THAP7: variants seen among roughly 807,000 people sequenced by gnomAD.
THAP7 encodes THAP domain-containing protein 7.
In THAP7, 22 loss-of-function variants were observed where a neutral mutation model predicts 29.2. That is an observed-to-expected ratio of 0.75 (90% confidence interval 0.54 to 1.08). THAP7 has a LOEUF of 1.08. THAP7 is among the 50% of genes least tolerant of loss of function. THAP7 has a pLI of 0.00. For synonymous variants in THAP7, 208 were observed against 173.4 expected (o/e 1.20, Z -1.57); for missense variants, 448 against 416.2 (o/e 1.08, Z -0.66).
At chr22:21,001,561 G>T in intron 1 of THAP7, 150 bp from the exon 2 acceptor site, 1 of 1,254,194 alleles carries the variant, frequency 8.0e-7, no homozygotes, top group Non-Finnish European at 1.1e-6. Context: ...CCCGGGCACA[G>T]ACGAGGCAAC....
At position 21,000,435 on chromosome 22, in the gene THAP7, G is replaced by A; in HGVS notation, c.378-3C>T. The stretch of plus-strand genomic sequence containing the variant: ...TGGGCCCTCGGCCCTCGGAGCAGCT[G>A]GTAAGGGGGAAGAGAGAGACTGATG... On this transcript the variant is annotated splice_polypyrimidine_tract_variant and splice_region_variant and intron_variant, in intron 3 of 3. Transcript: ENST00000215742. The A allele has an allele frequency of 2.6e-6, 4 of 1,549,226 alleles. No homozygotes were observed. The highest frequency in any genetic ancestry group is 3.5e-6 in the Non-Finnish European group (4 of 1,148,632).
intron 1 of THAP7, 34 bp downstream of exon 1, chr22:21,001,798 T>TGCGCACGTGAGCCCGCG (rs772628148): frequency 1.9e-4 from 296 of 1,537,654 alleles, no homozygotes; most frequent in Non-Finnish European, 1.9e-4. Flanking sequence ...AACTAGCGCA[T>TGCGCACGTGAGCCCGCG]GCGCACGTGA....
At position 20,999,840 on chromosome 22, in the gene THAP7, C is replaced by A. The variant is rs776553577; in HGVS notation, c.*40G>T. 1 of 1,561,744 alleles carries A rather than the reference C, an allele frequency of 6.4e-7. No individual in the cohort carries two copies. Among genetic ancestry groups the A allele is most frequent in the East Asian group, 2.3e-5 (1 of 44,430 alleles). On this transcript the variant is annotated 3_prime_UTR_variant, in exon 4 of 4. Transcript: ENST00000215742. ...TGGGATCTGAGGGAGGAAGAGGCTG[C>A]AGTCTTGCTGGGCAGCCCCTCGGTC...
In THAP7 at chr22:20,999,794, T is replaced by C. The variant is rs575098995; in HGVS notation, c.*86A>G. On this transcript the variant is annotated 3_prime_UTR_variant, in exon 4 of 4. Coordinates refer to ENST00000215742, the MANE Select transcript of THAP7 (RefSeq NM_030573.3). ...GCCCTCCGTCTAGAATCCGCTTTAT[T>C]ATGGCACCTGGTGGGTCTGGTGGGA... 2.0e-6 allele frequency: 3 copies of C among 1,470,082 alleles called. No individual in the cohort carries two copies. Among genetic ancestry groups the C allele is most frequent in the Admixed American group, 2.2e-5 (1 of 46,360 alleles). The allele number at this position is 1,470,082 out of a possible 1,614,324, so 91.1% of individuals were successfully genotyped here.
intron 1 of THAP7, 83 bp downstream of exon 1, chr22:21,001,749 C>T (rs1359893758): frequency 5.7e-6 from 8 of 1,395,680 alleles, no homozygotes; most frequent in Non-Finnish European, 5.8e-6. Context: ...CTGAGAAAGG[C>T]GCGAAGCCTC....
At position 21,002,090 on chromosome 22, in the gene THAP7, T is replaced by C. The variant is rs941293570; in HGVS notation, c.-179A>G. 7 of 597,358 alleles carry C rather than the reference T, an allele frequency of 1.2e-5. No individual in the cohort carries two copies. The highest frequency in any genetic ancestry group is 5.2e-4 in the Middle Eastern group (2 of 3,876). The allele number at this position is 597,358 out of a possible 1,614,324, so 37.0% of individuals were successfully genotyped here. ...ACTTCTGTCAGCGGCACTCACGCTCTGGCCATTGCTGCGCCGCCGAAGTCT... is the reference window on the plus strand; with the variant it reads ...ACTTCTGTCAGCGGCACTCACGCTCCGGCCATTGCTGCGCCGCCGAAGTCT... On this transcript the variant is annotated 5_prime_UTR_variant, in exon 1 of 4. Transcript: ENST00000215742.
At chr22:21,001,775 C>G in intron 1 of THAP7, 57 bp downstream of exon 1, 3 of 1,513,056 alleles carry the variant, frequency 2.0e-6, no homozygotes, top group South Asian at 1.2e-5. Flanking sequence ...AGTTGCGACC[C>G]GAGGCGAGCA....
rs1276863838 is a variant in THAP7 at position 21,002,066 on chromosome 22, C to T, written c.-155G>A. On this transcript the variant is annotated 5_prime_UTR_variant, in exon 1 of 4. Transcript: ENST00000215742. ...ACCCCGTCCCAGCCGATTCTCTTGA[C>T]TTCTGTCAGCGGCACTCACGCTCTG... 18 of 670,904 alleles carry T rather than the reference C, an allele frequency of 2.7e-5. No individual in the cohort carries two copies. Among genetic ancestry groups the T allele is most frequent in the Non-Finnish European group, 3.8e-5 (16 of 418,474 alleles). The allele number at this position is 670,904 out of a possible 1,614,324, so 41.6% of individuals were successfully genotyped here.
At chr22:21,000,857 A>G in intron 2 of THAP7, 70 bp from the exon 3 acceptor site, 1 of 1,600,808 alleles carries the variant, frequency 6.2e-7, no homozygotes, top group African/African-American at 1.3e-5. Flanking sequence ...TGCCCCCAGC[A>G]GCAGCGCCGT....
intron 2 of THAP7, 169 bp downstream of exon 2, chr22:21,001,087 T>C (rs1925139150): frequency 2.9e-6 from 3 of 1,045,946 alleles, no homozygotes; most frequent in Admixed American, 5.0e-5. Context: ...GTTTTCCCCT[T>C]GTGTCACAGG....
intron 3 of THAP7, 67 bp from the exon 4 acceptor site, chr22:21,000,499 C>T (rs965362308): frequency 6.5e-7 from 1 of 1,542,572 alleles, no homozygotes; most frequent in South Asian, 1.2e-5. Flanking sequence ...CTCCACCAGC[C>T]CACCTGATCC....
At position 21,001,430 on chromosome 22, in the gene THAP7, G is replaced by A. The variant is rs773667439; in HGVS notation, c.81-19C>T. 6 of 1,611,948 alleles carry A rather than the reference G, an allele frequency of 3.7e-6. No individual in the cohort carries two copies. The Admixed American group carries it at 6.7e-5, about 18-fold the overall frequency. On this transcript the variant is annotated intron_variant, in intron 1 of 3. Coordinates refer to ENST00000215742, the MANE Select transcript of THAP7 (RefSeq NM_030573.3). The stretch of plus-strand genomic sequence containing the variant: ...GGGAAGTCTGTGGAGCCACAAACCC[G>A]TGAGCACCAGGCTGTCCACAGCCCT...
In THAP7 at chr22:21,001,259, A is replaced by C. The variant is rs1925148469; in HGVS notation, c.233T>G (p.Ile78Ser). The C allele has an allele frequency of 6.2e-7, 1 of 1,612,750 alleles. No homozygotes were observed. Among genetic ancestry groups the C allele is most frequent in the Non-Finnish European group, 8.5e-7 (1 of 1,179,118 alleles). ...GTCGGCCGGCAGGGAGGCCCACCTGATTCCCACCAGCTCAAAGCAGTCCTC... is the reference window on the plus strand; with the variant it reads ...GTCGGCCGGCAGGGAGGCCCACCTGCTTCCCACCAGCTCAAAGCAGTCCTC... ...FEEDCFELVG[I>S]SGYHRLKEGA... The change falls in exon 2 of 4, where the codon ATC becomes AGC. Residue 78 changes from isoleucine to serine, a missense_variant. Transcript: ENST00000215742.
At chr22:21,001,655 C>T in intron 1 of THAP7, 177 bp downstream of exon 1, 1 of 883,894 alleles carries the variant, frequency 1.1e-6, no homozygotes, top group Non-Finnish European at 1.7e-6. Flanking sequence ...CTAGACTTCC[C>T]GTCCTCCCCT....
intron 3 of THAP7, 96 bp from the exon 4 acceptor site, chr22:21,000,528 C>A: frequency 6.4e-7 from 1 of 1,569,786 alleles, no homozygotes; most frequent in East Asian, 2.2e-5. Flanking sequence ...CACCCAAACC[C>A]GATCCACAGG....
At chr22:21,001,448 A>G in intron 1 of THAP7, 37 bp from the exon 2 acceptor site, 1 of 1,607,934 alleles carries the variant, frequency 6.2e-7, no homozygotes, top group Non-Finnish European at 8.5e-7. Context: ...CAGGCTGTCC[A>G]CAGCCCTGGG....
rs1311787329 is a variant in THAP7, at chr22:21,000,427, G to A, written c.383C>T (p.Ser128Phe). 3.9e-6 allele frequency: 6 copies of A among 1,550,642 alleles called. No individual in the cohort carries two copies. In the South Asian group the frequency reaches 5.9e-5, roughly 15 times the overall value. ...TGGAGTTGTGGGCCCTCGGCCCTCG[G>A]AGCAGCTGGTAAGGGGGAAGAGAGA... ...SRLRRCRKRC[S>F]EGRGPTTPFS... The change falls in exon 4 of 4, where the codon TCC becomes TTC. Residue 128 changes from serine to phenylalanine, a missense_variant. Transcript: ENST00000215742.
chr22:21,000,239 A>G lies in THAP7; in HGVS notation c.571T>C (p.Cys191Arg). Residue 191 changes from cysteine (C) to arginine (R), a missense_variant, in exon 4 of 4, where the codon TGC becomes CGC. Cys to Arg is a radical substitution (Grantham distance 180). Transcript: ENST00000215742. ...PLGAQADEAGCSAQPSPERQP... is the reference protein window; with the variant it reads ...PLGAQADEAGRSAQPSPERQP... ...CGCTCTGGTGAAGGCTGGGCGCTGC[A>G]GCCTGCTTCATCTGCCTGGGCACCC... The G allele has an allele frequency of 1.3e-6, 2 of 1,557,552 alleles. No homozygotes were observed. Among genetic ancestry groups the G allele is most frequent in the Non-Finnish European group, 1.7e-6 (2 of 1,150,322 alleles).
In THAP7 at chr22:21,000,669, G is replaced by A. The variant is rs1971109081; in HGVS notation, c.355C>T (p.Arg119Trp). 1.9e-6 allele frequency: 3 copies of A among 1,614,036 alleles called. No individual in the cohort carries two copies. The highest frequency in any genetic ancestry group is 2.5e-6 in the Non-Finnish European group (3 of 1,180,036). The stretch of plus-strand genomic sequence containing the variant: ...TACCGCTTCCTGCATCGTCTGAGCC[G>A]GCTGACTTCAGCGGGGCCAGGTGGG... Reference protein sequence around the residue: ...SYPPGPAEVSRLRRCRKRCSE... With the variant: ...SYPPGPAEVSWLRRCRKRCSE... Residue 119 changes from arginine to tryptophan, a missense_variant, in exon 3 of 4, where the codon CGG (arginine) becomes TGG (tryptophan). Physicochemically the swap from Arg to Trp is moderately radical, Grantham distance 101 (BLOSUM62 -3). Transcript: ENST00000215742.
Sources: allele counts gnomAD v4.1 joint callset, GRCh38; gene constraint gnomAD v4.1.1; transcripts MANE v1.5; gene names NCBI Gene and HGNC (gene_info 2026-07-23, HGNC 2026-07-21).